PIK3CD: variants seen among roughly 807,000 people sequenced by gnomAD.
PIK3CD encodes the protein phosphatidylinositol 4,5-bisphosphate 3-kinase catalytic subunit delta isoform.
Under a neutral mutation model 122.9 loss-of-function variants are expected in PIK3CD, and 20 were observed. The observed-to-expected ratio is 0.16, with a 90% CI of 0.11 to 0.24. The LOEUF is 0.24. Ranked by LOEUF, PIK3CD falls within the 10% of genes least tolerant of loss-of-function variation. The probability of loss-of-function intolerance (pLI) is 1.00; values close to 1 mark genes in which losing one functional copy is unlikely to be tolerated. For synonymous variants in PIK3CD, 596 were observed against 593.4 expected (o/e 1.00, Z -0.06); for missense variants, 787 against 1,406.3 (o/e 0.56, Z 7.04).
rs551621109 is a variant in PIK3CD, at chr1:9,719,838, G to C, written c.1243-83G>C. On this transcript the variant is annotated intron_variant, in intron 9 of 23. Transcript: ENST00000377346. The surrounding 1 kb of genome is among the most constrained non-coding windows in gnomAD (Gnocchi z 5.5). ...TGTTAGCTGGGCTCTGGGTCTTCTC[G>C]GGTGGGGTGCCTGGGGGAGGGCAGG... The C allele has an allele frequency of 1.7e-3, 1,857 of 1,103,002 alleles. 10 individuals are homozygous for C. Among genetic ancestry groups the C allele is most frequent in the Non-Finnish European group, 1.4e-3 (1,012 of 714,774 alleles). 68.3% of individuals were successfully genotyped at this position (1,103,002 alleles called of 1,614,324 possible).
At chr1:9,645,528 G>A in the PIK3CD span, among the ~76,000 whole-genome samples, 10 of 151,608 alleles carry the variant, frequency 6.6e-5, no homozygotes, top group Non-Finnish European at 1.3e-4. Context: ...GCATGATCTC[G>A]GCTCACTGAG....
In PIK3CD at chr1:9,722,230, C is replaced by T; in HGVS notation, c.2235-14C>T. On this transcript the variant is annotated splice_polypyrimidine_tract_variant and intron_variant, in intron 17 of 23. Coordinates refer to ENST00000377346, the MANE Select transcript of PIK3CD (RefSeq NM_005026.5). The surrounding 1 kb of genome is among the most constrained non-coding windows in gnomAD (Gnocchi z 7.6). ...GAGGAGCCCCTGCTGACTGCCCGCTCTCTGGCCTGGCAGCGTGGAGCAGTG... is the reference window on the plus strand; with the variant it reads ...GAGGAGCCCCTGCTGACTGCCCGCTTTCTGGCCTGGCAGCGTGGAGCAGTG... 6.2e-7 allele frequency: 1 copy of T among 1,612,192 alleles called. No homozygotes were observed. Among genetic ancestry groups the T allele is most frequent in the Non-Finnish European group, 8.5e-7 (1 of 1,179,308 alleles).
chr1:9,682,517 C>T (rs976622004), intron 1 of PIK3CD, among the ~76,000 whole-genome samples: 4 of 151,492 alleles, frequency 2.6e-5, no homozygotes, highest in East Asian at 1.9e-4. Context: ...GGATTATAGG[C>T]GTCAGCCACC....
chr1:9,659,510 T>C (rs918206824), intron 1 of PIK3CD, among the ~76,000 whole-genome samples: 7 of 152,116 alleles, frequency 4.6e-5, no homozygotes, highest in Admixed American at 3.9e-4. Context: ...TGTTGCAAAA[T>C]TGAAATTCTT....
chr1:9,714,612 A>G (rs1266594430), intron 3 of PIK3CD, among the ~76,000 whole-genome samples: 1 of 152,114 alleles, frequency 6.6e-6, no homozygotes, highest in African/African-American at 2.4e-5. Context: ...GGCCGGGCAC[A>G]TAGAGCTGCT....
At chr1:9,680,398 C>G (rs1469357006) in intron 1 of PIK3CD, among the ~76,000 whole-genome samples, 1 of 151,846 alleles carries the variant, frequency 6.6e-6, no homozygotes, top group Non-Finnish European at 1.5e-5. Flanking sequence ...TCACTTGAGC[C>G]TAGAAGTTCA....
chr1:9,669,481 G>A (rs1383415888), intron 1 of PIK3CD, among the ~76,000 whole-genome samples: 1 of 152,180 alleles, frequency 6.6e-6, no homozygotes, highest in Non-Finnish European at 1.5e-5. Context: ...TGCATTTTAG[G>A]AAGACAGGAA....
chr1:9,688,298 T>C (rs1165273249), intron 1 of PIK3CD: 1 of 152,448 alleles, frequency 6.6e-6, no homozygotes, highest in African/African-American at 2.4e-5. Flanking sequence ...CTCCTCTGCG[T>C]TCCCCTGTGG....
intron 23 of PIK3CD, 142 bp downstream of exon 23, chr1:9,725,078 AGT>A (rs1649301579): frequency 9.0e-7 from 1 of 1,113,320 alleles, no homozygotes; most frequent in Non-Finnish European, 1.3e-6. Flanking sequence ...AGGACCCAGC[AGT>A]GGAGCTGGTG....
rs1036630585 is a variant in PIK3CD at position 9,720,562 on chromosome 1, C to T, written c.1471-49C>T. ...CAATGCCCGGCCTGGGGGTCCTGCC[C>T]GGGCTGGTCCAGGCCCCTGGGGACG... On this transcript the variant is annotated intron_variant, in intron 11 of 23. Transcript: ENST00000377346. This position sits in a 1 kb window ranked among gnomAD's most constrained non-coding sequence, Gnocchi z 9.0. 2.3e-5 allele frequency: 35 copies of T among 1,547,324 alleles called. No homozygotes were observed. The Admixed American group carries it at 2.8e-4, about 12-fold the overall frequency.
chr1:9,715,828 C>G lies in PIK3CD; in HGVS notation c.371-21C>G, dbSNP rs374795980. ...GGCCCTGCCTGCCCCACCCGCTGAC[C>G]CAGCCCTCCCCACCCCGCAGGCCTC... On this transcript the variant is annotated intron_variant, in intron 4 of 23. Transcript: ENST00000377346. This position sits in a 1 kb window ranked among gnomAD's most constrained non-coding sequence, Gnocchi z 4.1. 8 of 1,607,842 alleles carry G rather than the reference C, an allele frequency of 5.0e-6. No homozygotes were observed. The African/African-American group carries it at 1.1e-4, about 21-fold the overall frequency.
At chr1:9,687,296 A>G (rs888841157) in intron 1 of PIK3CD, 3 of 151,870 alleles carry the variant, frequency 2.0e-5, no homozygotes, top group Non-Finnish European at 4.4e-5. Context: ...CCTTTGGAAA[A>G]TCTCGTTGGT....
At chr1:9,658,438 A>G (rs1335878024) in intron 1 of PIK3CD, among the ~76,000 whole-genome samples, 1 of 138,794 alleles carries the variant, frequency 7.2e-6, no homozygotes, top group African/African-American at 2.7e-5. Flanking sequence ...GGGCTGGGTG[A>G]GGTGGTGGTT....
chr1:9,637,185 C>T, the PIK3CD span, among the ~76,000 whole-genome samples: 84 of 152,302 alleles, frequency 5.5e-4, 3 homozygotes, highest in Non-Finnish European at 4.4e-5. Flanking sequence ...GTATGAGCTA[C>T]TGGCCCTGAG....
intron 1 of PIK3CD, among the ~76,000 whole-genome samples, chr1:9,687,839 C>G (rs1213052733): frequency 1.3e-5 from 2 of 152,162 alleles, no homozygotes; most frequent in Non-Finnish European, 2.9e-5. Flanking sequence ...CTAGGGACGG[C>G]CAGGGAAGAG....
At chr1:9,697,738 CAAAA>C (rs1029813338) in intron 2 of PIK3CD, among the ~76,000 whole-genome samples, 1 of 149,342 alleles carries the variant, frequency 6.7e-6, no homozygotes, top group African/African-American at 2.5e-5. Flanking sequence ...GTCTCTAAAA[CAAAA>C]AAAAAGTGCT....
chr1:9,716,416 G>T, intron 5 of PIK3CD, 24 bp from the exon 6 acceptor site: 2 of 1,610,034 alleles, frequency 1.2e-6, no homozygotes, highest in South Asian at 2.2e-5. Flanking sequence ...GAGGGCAGAG[G>T]ACTGACCTCC....
In PIK3CD at chr1:9,700,366, CG is replaced by C; in HGVS notation, c.-33+8796del. Among the ~76,000 whole-genome samples the C allele has an allele frequency of 6.6e-6, 1 of 152,262 alleles. No homozygotes were observed. Among genetic ancestry groups the C allele is most frequent in the Non-Finnish European group, 1.5e-5 (1 of 68,010 alleles). On this transcript the variant is annotated intron_variant, in intron 2 of 23. Transcript: ENST00000377346. This position sits in a 1 kb window ranked among gnomAD's most constrained non-coding sequence, Gnocchi z 5.1. Reference sequence around the variant, plus strand: ...ATTTCAGGACAGACTGTAAGGGTGGCGTGGTGTCCTGGCCAGAACCCCATGT... The same window carrying C: ...ATTTCAGGACAGACTGTAAGGGTGGCTGGTGTCCTGGCCAGAACCCCATGT...
chr1:9,670,000 C>A (rs1371117480), intron 1 of PIK3CD, among the ~76,000 whole-genome samples: 4 of 151,832 alleles, frequency 2.6e-5, no homozygotes, highest in Admixed American at 2.6e-4. Context: ...ATGGTGAAAC[C>A]CTGTCTCTAC....
Sources: allele counts gnomAD v4.1 joint callset (sites outside exome capture counted in the v4.1 genomes callset), GRCh38; gene constraint gnomAD v4.1.1; non-coding constraint Gnocchi (gnomAD v3.1); transcripts MANE v1.5; gene names NCBI Gene and HGNC (gene_info 2026-07-23, HGNC 2026-07-21).